The following MAOA variants were observed in gnomAD, a reference collection of about 807,000 sequenced individuals.
MAOA encodes the protein amine oxidase [flavin-containing] A.
In MAOA, 6 loss-of-function variants were observed where a neutral mutation model predicts 42.0. The ratio of observed to expected loss-of-function variants is 0.14; its 90% confidence interval spans 0.08 to 0.28. The LOEUF is 0.28. MAOA is among the 10% of genes least tolerant of loss of function. MAOA has a pLI of 1.00. For synonymous variants in MAOA, 140 were observed against 154.0 expected (o/e 0.91, Z 0.67); for missense variants, 262 against 422.3 (o/e 0.62, Z 3.33).
At chrX:43,716,641 G>A (rs1335159188) in intron 5 of MAOA, among the ~76,000 whole-genome samples, 3 of 110,734 alleles carry the variant, frequency 2.7e-5, no homozygotes, top group African/African-American at 9.9e-5. Context: ...GGGGGTGGGA[G>A]ACAGTAAGAG....
intron 1 of MAOA, among the ~76,000 whole-genome samples, chrX:43,660,943 G>A (rs2033228341): frequency 8.9e-6 from 1 of 111,768 alleles, no homozygotes; most frequent in Non-Finnish European, 1.9e-5. Context: ...CACCTCCAGG[G>A]GACAATGTAT....
At chrX:43,683,152 G>A (rs2033457253) in intron 1 of MAOA, among the ~76,000 whole-genome samples, 1 of 111,722 alleles carries the variant, frequency 9.0e-6, no homozygotes, top group South Asian at 3.7e-4. Context: ...AGTCTCTTCT[G>A]TTAATACTAT....
intron 5 of MAOA, among the ~76,000 whole-genome samples, chrX:43,725,139 T>C (rs1265417196): frequency 1.8e-5 from 2 of 112,102 alleles, no homozygotes; most frequent in Non-Finnish European, 3.8e-5. Context: ...CTGAGAAGAA[T>C]GTATACTCTC....
intron 1 of MAOA, chrX:43,657,779 T>G (rs2033196342): frequency 3.4e-6 from 1 of 298,374 alleles, no homozygotes; most frequent in African/African-American, 2.9e-5. Context: ...ATATAAATCT[T>G]TCGAGGAGAC....
intron 5 of MAOA, among the ~76,000 whole-genome samples, chrX:43,723,972 C>T (rs953962872): frequency 2.1e-4 from 23 of 110,430 alleles, no homozygotes; most frequent in Non-Finnish European, 2.7e-4. Flanking sequence ...GTTTATGTGA[C>T]GGATTACGTT....
intron 1 of MAOA, among the ~76,000 whole-genome samples, chrX:43,658,149 T>C (rs1282947292): frequency 8.9e-6 from 1 of 111,879 alleles, no homozygotes; most frequent in Non-Finnish European, 1.9e-5. Flanking sequence ...ATAAATATGA[T>C]GACAATGTGT....
At position 43,693,413 on chromosome X, in the gene MAOA, C is replaced by T. The variant is rs773175573; in HGVS notation, c.291C>T (p.Leu97=). The change falls in exon 3 of 15, where the codon CTC becomes CTT. Residue 97 remains leucine (L), a synonymous_variant. Coordinates refer to ENST00000338702, the MANE Select transcript of MAOA (RefSeq NM_000240.4). ...ETYKVNVSER[L]VQYVKGKTYP... The stretch of plus-strand genomic sequence containing the variant: ...ACAAAGTGAATGTCAGTGAGCGTCT[C>T]GTTCAATATGTCAAGGTAAGGCTGA... 15 of 1,210,602 alleles carry T rather than the reference C, an allele frequency of 1.2e-5. No individual in the cohort carries two copies. Among genetic ancestry groups the T allele is most frequent in the South Asian group, 1.8e-5 (1 of 56,953 alleles).
At chrX:43,669,938 T>G (rs929704152) in intron 1 of MAOA, among the ~76,000 whole-genome samples, 1 of 111,713 alleles carries the variant, frequency 9.0e-6, no homozygotes, top group African/African-American at 3.3e-5. Context: ...AAATACATGA[T>G]CAACAATACC....
In MAOA at chrX:43,709,288, T is replaced by C. The variant is rs761055549; in HGVS notation, c.307-2584T>C. ...GCTCAGATCAAGGGGTCTTTGGACCTTGTGTGAAATCATACTCAAGTTGGC... is the reference window on the plus strand; with the variant it reads ...GCTCAGATCAAGGGGTCTTTGGACCCTGTGTGAAATCATACTCAAGTTGGC... On this transcript the variant is annotated intron_variant, in intron 3 of 14. Transcript: ENST00000338702. Among the ~76,000 whole-genome samples the C allele has an allele frequency of 4.5e-5, 5 of 112,283 alleles. No homozygotes were observed. The East Asian group carries it at 1.4e-3, about 31-fold the overall frequency.
intron 2 of MAOA, among the ~76,000 whole-genome samples, chrX:43,689,116 G>A (rs2033512289): frequency 9.1e-6 from 1 of 110,384 alleles, no homozygotes; most frequent in Non-Finnish European, 1.9e-5. Context: ...GTCTCACTGT[G>A]TTGCCCAGGC....
At chrX:43,665,253 G>T (rs756574038) in intron 1 of MAOA, among the ~76,000 whole-genome samples, 152 of 111,592 alleles carry the variant, frequency 1.4e-3, no homozygotes, top group African/African-American at 4.8e-3. Flanking sequence ...AAAAAGCAGA[G>T]GGTGGATAAA....
chrX:43,686,297 T>C (rs982955980), intron 2 of MAOA, among the ~76,000 whole-genome samples: 8 of 112,394 alleles, frequency 7.1e-5, no homozygotes, highest in African/African-American at 2.3e-4. Flanking sequence ...TCCAACATAC[T>C]TGTCCCCATC....
At chrX:43,720,877 A>G (rs1178888073) in intron 5 of MAOA, among the ~76,000 whole-genome samples, 3 of 109,218 alleles carry the variant, frequency 2.7e-5, no homozygotes, top group Non-Finnish European at 5.7e-5. Context: ...GGCAGATGGT[A>G]TCTACTAGGA....
chrX:43,717,302 G>A (rs758076565), intron 5 of MAOA, among the ~76,000 whole-genome samples: 2 of 111,624 alleles, frequency 1.8e-5, no homozygotes, highest in Non-Finnish European at 3.8e-5. Context: ...GGCATGTCAG[G>A]ATGGTATCTT....
chrX:43,660,775 C>T (rs2033226290), intron 1 of MAOA, among the ~76,000 whole-genome samples: 1 of 111,724 alleles, frequency 9.0e-6, no homozygotes, highest in South Asian at 3.7e-4. Context: ...GATAATGGCT[C>T]AGTCACTGAA....
chrX:43,703,336 T>G (rs2033637684), intron 3 of MAOA, among the ~76,000 whole-genome samples: 2 of 111,984 alleles, frequency 1.8e-5, no homozygotes, highest in African/African-American at 3.2e-5. Context: ...CTTATGTACT[T>G]TCTCACTGCA....
At chrX:43,695,976 A>T (rs2033575666) in intron 3 of MAOA, among the ~76,000 whole-genome samples, 2 of 111,712 alleles carry the variant, frequency 1.8e-5, no homozygotes, top group Admixed American at 1.9e-4. Context: ...TAAGTGTTAG[A>T]CTTTCTGATG....
chrX:43,728,373 C>T, intron 6 of MAOA, 59 bp downstream of exon 6: 1 of 1,124,209 alleles, frequency 8.9e-7, no homozygotes, highest in Non-Finnish European at 1.2e-6. Context: ...TTGCTTTCTC[C>T]CAGGGCAGTG....
rs781530793 is a variant in MAOA at position 43,702,036 on chromosome X, G to C, written c.306+8608G>C. 4.5e-5 allele frequency among the ~76,000 whole-genome samples: 5 copies of C among 112,039 alleles called. No individual in the cohort carries two copies. In the East Asian group the frequency reaches 1.4e-3, roughly 32 times the overall value. On this transcript the variant is annotated intron_variant, in intron 3 of 14. Transcript: ENST00000338702. ...ACTTTTGCAAAGTAGCCTTCTAACA[G>C]TTGAAATCTTAAACAGCCTCTAACG...
Sources: gnomAD v4.1 joint callset for allele counts (sites outside exome capture counted in the v4.1 genomes callset) on GRCh38, gnomAD v4.1.1 for gene constraint, MANE v1.5 for transcripts, NCBI Gene and HGNC (gene_info 2026-07-23, HGNC 2026-07-21) for gene names.